The following ARHGEF37 variants were observed in gnomAD, a reference collection of about 807,000 sequenced individuals.
The protein encoded by ARHGEF37 is Rho guanine nucleotide exchange factor (GEF) 37.
In ARHGEF37, 55 loss-of-function variants were observed where a neutral mutation model predicts 71.1. The observed-to-expected ratio is 0.77, with a 90% confidence interval of 0.62 to 0.97. The LOEUF (loss-of-function observed/expected upper bound fraction) is 0.97. ARHGEF37 is among the 50% of genes least tolerant of loss of function. The pLI is 0.00. For missense variants in ARHGEF37, 765 were observed against 836.8 expected, an observed-to-expected ratio of 0.91 and a Z score of 1.06; for synonymous variants, 327 against 350.6, an observed-to-expected ratio of 0.93 and a Z score of 0.75.
Position 149,624,060 on chromosome 5 carries a change from G to A in ARHGEF37, c.1384G>A (p.Asp462Asn). ...PEPAFRKLVE[D>N]ALGRTSNQLR... ...GCCTGCCTTCAGGAAGCTGGTGGAG[G>A]ACGCACTGGGCCGGACGAGTAACCA... Residue 462 changes from aspartate (D) to asparagine (N), a missense_variant, in exon 10 of 13, where the codon GAC becomes AAC. This residue lies in a region of ARHGEF37 where 390 missense variants were observed against 407.4 expected (regional missense o/e 0.96). Transcript: ENST00000333677. 1.2e-6 allele frequency: 2 copies of A among 1,610,204 alleles called. No individual in the cohort carries two copies. The highest frequency in any genetic ancestry group is 1.7e-6 in the Non-Finnish European group (2 of 1,176,712).
At chr5:149,598,371 C>CTT in intron 2 of ARHGEF37, among the ~76,000 whole-genome samples, 1 of 109,766 alleles carries the variant, frequency 9.1e-6, no homozygotes, top group Admixed American at 1.1e-4. Flanking sequence ...TCCTCTTCTT[C>CTT]CTCTTCCTCT....
chr5:149,624,561 G>T (rs563556261), intron 10 of ARHGEF37, among the ~76,000 whole-genome samples: 1 of 152,248 alleles, frequency 6.6e-6, no homozygotes, highest in Non-Finnish European at 1.5e-5. Flanking sequence ...ATCACTTGAG[G>T]CCAAGAGTTC....
At chr5:149,562,844 CT>C (rs1762850696) in intron 1 of ARHGEF37, among the ~76,000 whole-genome samples, 1 of 152,022 alleles carries the variant, frequency 6.6e-6, no homozygotes, top group Non-Finnish European at 1.5e-5. Context: ...CTGTCCAGAG[CT>C]TTCTGCCTGT....
rs1376157525 is a variant in ARHGEF37, at chr5:149,620,290, G to A, written c.895-64G>A. The A allele has an allele frequency of 4.1e-6, 5 of 1,221,796 alleles. No homozygotes were observed. The East Asian group carries it at 9.8e-5, about 24-fold the overall frequency. 75.7% of individuals were successfully genotyped at this position (1,221,796 alleles called of 1,614,324 possible). The stretch of plus-strand genomic sequence containing the variant: ...AACCTCTTCAAGGTATGGTGGAAGG[G>A]GATTCCAGCGTAAGATGGCCATGAC... On this transcript the variant is annotated intron_variant, in intron 7 of 12. Transcript: ENST00000333677.
intron 4 of ARHGEF37, among the ~76,000 whole-genome samples, chr5:149,613,276 A>G (rs747252077): frequency 6.6e-6 from 1 of 152,210 alleles, no homozygotes; most frequent in Non-Finnish European, 1.5e-5. Flanking sequence ...TTTTCCATCC[A>G]AATTTTCTAC....
rs771282429 is a variant in ARHGEF37, at chr5:149,616,665, CA to C, written c.558del (p.Val187SerfsTer20). ...CTGCTGCAGAAAATCCTGGAGAACACAGTCCCTGATGCCAGTGCCTATCCTG... is the reference window on the plus strand; with the variant it reads ...CTGCTGCAGAAAATCCTGGAGAACACGTCCCTGATGCCAGTGCCTATCCTG... ...PLLLQKILEN[T>X]VPDASAYPVL... On this transcript the variant is annotated frameshift_variant, in exon 5 of 13. Coordinates refer to ENST00000333677, the MANE Select transcript of ARHGEF37 (RefSeq NM_001001669.3). LOFTEE classifies it high-confidence loss of function. 1 of 1,613,938 alleles carries C rather than the reference CA, an allele frequency of 6.2e-7. No homozygotes were observed. Among genetic ancestry groups the C allele is most frequent in the Non-Finnish European group, 8.5e-7 (1 of 1,179,916 alleles).
intron 3 of ARHGEF37, among the ~76,000 whole-genome samples, chr5:149,607,773 T>C (rs1473949071): frequency 1.5e-4 from 22 of 142,160 alleles, no homozygotes; most frequent in Non-Finnish European, 2.7e-4. Context: ...TTTTTTTTTT[T>C]TTTTTTTGAG....
chr5:149,628,986 G>A lies in ARHGEF37; in HGVS notation c.1818+20G>A. ...AACCAGGTGAGTATAGGAGAGGGCT[G>A]GGGGCTTGCCTCCCATCGGCCATCC... is the stretch of plus-strand genomic sequence containing the variant. On this transcript the variant is annotated intron_variant, in intron 12 of 12. Transcript: ENST00000333677. The A allele has an allele frequency of 3.1e-6, 5 of 1,603,638 alleles. No homozygotes were observed. The highest frequency in any genetic ancestry group is 4.3e-6 in the Non-Finnish European group (5 of 1,174,826).
intron 3 of ARHGEF37, 144 bp from the exon 4 acceptor site, chr5:149,609,404 G>A (rs1024956382): frequency 1.2e-6 from 1 of 819,060 alleles, no homozygotes; most frequent in Non-Finnish European, 2.0e-6. Flanking sequence ...TCAGGAAGAT[G>A]AGGTCATTTG....
At chr5:149,617,698 T>G (rs1752417175) in intron 5 of ARHGEF37, among the ~76,000 whole-genome samples, 2 of 152,188 alleles carry the variant, frequency 1.3e-5, no homozygotes, top group Non-Finnish European at 2.9e-5. Flanking sequence ...CATGCTATAC[T>G]ATATTTAGCA....
At chr5:149,631,652 G>A (rs1381212247) in intron 12 of ARHGEF37, among the ~76,000 whole-genome samples, 2 of 152,154 alleles carry the variant, frequency 1.3e-5, no homozygotes, top group Non-Finnish European at 2.9e-5. Context: ...GACAGGCCTA[G>A]ATTCACTGCT....
At position 149,634,906 on chromosome 5, in the gene ARHGEF37, GA is replaced by G. The variant is rs1752989001; in HGVS notation, c.*2717del. 1 of 152,196 alleles carries G rather than the reference GA, an allele frequency of 6.6e-6. No homozygotes were observed. The highest frequency in any genetic ancestry group is 6.5e-5 in the Admixed American group (1 of 15,276). The allele number at this position is 152,196 out of a possible 1,614,324, so 9.4% of individuals were successfully genotyped here. A position where few individuals can be genotyped will look rare whatever the true frequency, so the allele number is the denominator to read the frequency against. ...TGAATGAATTCTTGGTTAATATGAC[GA>G]ACCCCAGCTCAATGAGTAACTGATG... On this transcript the variant is annotated 3_prime_UTR_variant, in exon 13 of 13. Coordinates refer to ENST00000333677, the MANE Select transcript of ARHGEF37 (RefSeq NM_001001669.3).
chr5:149,601,608 T>C (rs1763758357), intron 3 of ARHGEF37, among the ~76,000 whole-genome samples: 1 of 152,206 alleles, frequency 6.6e-6, no homozygotes, highest in Non-Finnish European at 1.5e-5. Context: ...CTCATGGGGT[T>C]GACAAGTTAG....
chr5:149,604,024 A>G (rs771976521), intron 3 of ARHGEF37, among the ~76,000 whole-genome samples: 2 of 152,228 alleles, frequency 1.3e-5, no homozygotes, highest in Non-Finnish European at 2.9e-5. Flanking sequence ...TTAATAATTA[A>G]CACTTATTTG....
At chr5:149,564,212 C>T (rs993630709) in intron 1 of ARHGEF37, among the ~76,000 whole-genome samples, 1 of 152,016 alleles carries the variant, frequency 6.6e-6, no homozygotes, top group African/African-American at 2.4e-5. Flanking sequence ...CTGCCTCAGC[C>T]TCCCAAAGTG....
intron 4 of ARHGEF37, among the ~76,000 whole-genome samples, chr5:149,613,087 C>T (rs948396739): frequency 6.6e-6 from 1 of 152,224 alleles, no homozygotes; most frequent in Non-Finnish European, 1.5e-5. Flanking sequence ...CACTGCAATT[C>T]CAGAATGATG....
chr5:149,630,066 G>A (rs565908241), intron 12 of ARHGEF37, among the ~76,000 whole-genome samples: 1 of 152,222 alleles, frequency 6.6e-6, no homozygotes, highest in South Asian at 2.1e-4. Flanking sequence ...CTGGTGTGAA[G>A]TTTCTTTTTG....
At chr5:149,594,745 A>G (rs1488872286) in intron 1 of ARHGEF37, among the ~76,000 whole-genome samples, 1 of 152,212 alleles carries the variant, frequency 6.6e-6, no homozygotes, top group African/African-American at 2.4e-5. Context: ...AATATTATGA[A>G]GTATTTTAAC....
At chr5:149,613,044 G>A (rs1038135276) in intron 4 of ARHGEF37, among the ~76,000 whole-genome samples, 2 of 152,210 alleles carry the variant, frequency 1.3e-5, no homozygotes, top group Admixed American at 6.5e-5. Flanking sequence ...TGGAAAAGGC[G>A]GCCTTGCAGA....
Sources: gnomAD v4.1 joint callset for allele counts (sites outside exome capture counted in the v4.1 genomes callset) on GRCh38, gnomAD v4.1.1 for gene constraint, gnomAD v4.1.1 regional missense constraint, MANE v1.5 for transcripts, NCBI Gene and HGNC (gene_info 2026-07-23, HGNC 2026-07-21) for gene names.